The following CLASP1 variants were observed in gnomAD, a reference collection of about 807,000 sequenced individuals.
CLASP1 encodes the protein CLIP-associating protein 1.
A neutral mutation model predicts 192.3 loss-of-function variants in CLASP1; 38 were observed. The ratio of observed to expected loss-of-function variants is 0.20; its 90% CI spans 0.15 to 0.26. The LOEUF is 0.26. CLASP1 is among the 10% of genes least tolerant of loss of function. The probability of loss-of-function intolerance (pLI) is 1.00; values close to 1 mark genes in which losing one functional copy is unlikely to be tolerated. For synonymous variants in CLASP1, 691 were observed against 712.8 expected, an observed-to-expected ratio of 0.97 and a Z score of 0.49; for missense variants, 1,433 against 1,932.5, an observed-to-expected ratio of 0.74 and a Z score of 4.85.
chr2:121,385,647 A>G (rs1278158666), intron 32 of CLASP1, among the ~76,000 whole-genome samples: 1 of 152,214 alleles, frequency 6.6e-6, no homozygotes, highest in East Asian at 1.9e-4. Flanking sequence ...TTGACTTACT[A>G]AAGAATGTGC....
chr2:121,390,871 A>G (rs2074224566), intron 30 of CLASP1, among the ~76,000 whole-genome samples: 2 of 152,096 alleles, frequency 1.3e-5, no homozygotes, highest in African/African-American at 2.4e-5. Context: ...GCTGGAGTAC[A>G]GTGGCTATTC....
At chr2:121,605,584 C>T in intron 2 of CLASP1, 117 bp downstream of exon 2, 1 of 687,862 alleles carries the variant, frequency 1.5e-6, no homozygotes. Context: ...GATTGAGTGT[C>T]TTACTAGAAA....
At chr2:121,627,935 G>T (rs141690906) in intron 1 of CLASP1, among the ~76,000 whole-genome samples, 4 of 152,178 alleles carry the variant, frequency 2.6e-5, no homozygotes, top group Admixed American at 2.6e-4. Context: ...TATCAAATAA[G>T]GAATTTTATA....
intron 8 of CLASP1, among the ~76,000 whole-genome samples, chr2:121,480,979 G>C (rs148974737): frequency 1.8e-4 from 28 of 152,332 alleles, no homozygotes; most frequent in African/African-American, 6.7e-4. Flanking sequence ...TGCGTCCAAA[G>C]GAGGACCGCA....
chr2:121,588,280 T>C (rs370838470), intron 2 of CLASP1, among the ~76,000 whole-genome samples: 1 of 152,030 alleles, frequency 6.6e-6, no homozygotes, highest in East Asian at 1.9e-4. Flanking sequence ...ATGTGGTAAG[T>C]GTATGTCTGA....
At chr2:121,625,537 C>T (rs1266120728) in intron 1 of CLASP1, among the ~76,000 whole-genome samples, 6 of 148,436 alleles carry the variant, frequency 4.0e-5, no homozygotes, top group Non-Finnish European at 5.9e-5. Context: ...CAGGTTCAAG[C>T]GATTCTCCTG....
chr2:121,502,104 C>T lies in CLASP1; in HGVS notation c.712+1063G>A, dbSNP rs116564765. On this transcript the variant is annotated intron_variant, in intron 8 of 39. Transcript: ENST00000263710. ...CTTCTGGAATCACAAGAATTACCCA[C>T]TAGTTCTCAAATATCATCACAAAGT... Among the ~76,000 whole-genome samples, 5 of 152,242 alleles carry T rather than the reference C, an allele frequency of 3.3e-5. No individual in the cohort carries two copies. The East Asian group carries it at 5.8e-4, about 18-fold the overall frequency.
At chr2:121,453,423 G>A (rs1559260547) in intron 14 of CLASP1, among the ~76,000 whole-genome samples, 1 of 152,162 alleles carries the variant, frequency 6.6e-6, no homozygotes, top group Non-Finnish European at 1.5e-5. Context: ...AGAATGCAAG[G>A]GGCTCCAGCA....
intron 2 of CLASP1, among the ~76,000 whole-genome samples, chr2:121,599,592 A>AG: frequency 6.7e-6 from 1 of 148,398 alleles, no homozygotes; most frequent in East Asian, 2.0e-4. Flanking sequence ...CATCTCAAAA[A>AG]AAAAAAAAAA....
At chr2:121,461,166 A>T (rs781169557) in exon 11 of CLASP1, 1 of 1,603,772 alleles carries the variant, frequency 6.2e-7, no homozygotes, top group Admixed American at 1.7e-5. Flanking sequence ...TTGTTTATGG[A>T]TTCCTCAAGG....
chr2:121,591,957 C>T (rs1269770893), intron 2 of CLASP1, among the ~76,000 whole-genome samples: 2 of 152,194 alleles, frequency 1.3e-5, no homozygotes, highest in Non-Finnish European at 2.9e-5. Context: ...TTCTCTACTT[C>T]GAGCCATTTT....
At chr2:121,490,880 G>T (rs1347870611) in intron 8 of CLASP1, among the ~76,000 whole-genome samples, 1 of 152,236 alleles carries the variant, frequency 6.6e-6, no homozygotes, top group Non-Finnish European at 1.5e-5. Context: ...AGCACTGGGA[G>T]AGAGTGTGAA....
chr2:121,644,781 A>G (rs1357548329), intron 1 of CLASP1, among the ~76,000 whole-genome samples: 1 of 152,082 alleles, frequency 6.6e-6, no homozygotes, highest in African/African-American at 2.4e-5. Flanking sequence ...TATCTCTACA[A>G]AACACTTCTA....
At chr2:121,581,260 C>CTTTTGTTT (rs2061112395) in intron 2 of CLASP1, among the ~76,000 whole-genome samples, 1 of 57,680 alleles carries the variant, frequency 1.7e-5, no homozygotes, top group African/African-American at 7.2e-5. Context: ...GCCTTTTGTT[C>CTTTTGTTT]TTTTTTTTTT....
intron 14 of CLASP1, among the ~76,000 whole-genome samples, chr2:121,453,145 T>G (rs2085876150): frequency 6.6e-6 from 1 of 152,032 alleles, no homozygotes; most frequent in Non-Finnish European, 1.5e-5. Flanking sequence ...TTAAAAAAAT[T>G]AGTTGGGCAT....
chr2:121,363,047 G>A (rs1172497269), intron 37 of CLASP1, 125 bp downstream of exon 38: 36 of 1,222,054 alleles, frequency 2.9e-5, no homozygotes, highest in Admixed American at 7.3e-5. Context: ...TCTGTATTAC[G>A]ACATGGCTGA....
chr2:121,554,379 G>C (rs1041622259), intron 2 of CLASP1, among the ~76,000 whole-genome samples: 39 of 150,096 alleles, frequency 2.6e-4, no homozygotes, highest in African/African-American at 7.6e-4. Flanking sequence ...GGAAGGCCAA[G>C]GCAGGAGGAT....
intron 21 of CLASP1, among the ~76,000 whole-genome samples, chr2:121,427,169 T>C (rs1284261356): frequency 6.6e-6 from 1 of 152,148 alleles, no homozygotes; most frequent in Non-Finnish European, 1.5e-5. Flanking sequence ...ATGAAGAATT[T>C]GTCTCAGGAC....
intron 19 of CLASP1, chr2:121,445,358 G>T: frequency 2.8e-6 from 2 of 712,984 alleles, no homozygotes; most frequent in Non-Finnish European, 4.2e-6. Context: ...TTACCCAAAA[G>T]GCAGAGCCAA....
Sources: allele counts gnomAD v4.1 joint callset (sites outside exome capture counted in the v4.1 genomes callset), GRCh38; gene constraint gnomAD v4.1.1; transcripts MANE v1.5; gene names NCBI Gene and HGNC (gene_info 2026-07-23, HGNC 2026-07-21).